NFATC1: variants seen among roughly 807,000 people sequenced by gnomAD.
The protein encoded by NFATC1 is nuclear factor of activated T cells 1, also known as nuclear factor of activated T-cells, cytoplasmic 1.
A neutral mutation model predicts 76.0 loss-of-function variants in NFATC1; 22 were observed. The ratio of observed to expected loss-of-function variants is 0.29; its 90% CI spans 0.21 to 0.41. NFATC1 has a LOEUF of 0.41. Ranked by LOEUF, NFATC1 falls within the 10% of genes least tolerant of loss-of-function variation. The pLI, the probability that NFATC1 is intolerant of heterozygous loss-of-function variation, is 1.00. For missense variants in NFATC1, 1,357 were observed against 1,337.7 expected (o/e 1.01, Z -0.23); for synonymous variants, 704 against 613.1 (o/e 1.15, Z -2.19).
In NFATC1 at chr18:79,410,555, G is replaced by A. The variant is rs1299749952; in HGVS notation, c.280G>A (p.Asp94Asn). 6.2e-7 allele frequency: 1 copy of A among 1,611,548 alleles called. No homozygotes were observed. The highest frequency in any genetic ancestry group is 8.5e-7 in the Non-Finnish European group (1 of 1,180,002). The part of the protein sequence containing the change: ...DHPSGYGAAL[D>N]GGPAGYFLSS... ...CCCCTCGGGGTACGGAGCAGCTTTG[G>A]ACGGTGGGCCCGCGGGCTACTTCCT... Residue 94 changes from aspartate to asparagine, a missense_variant, in exon 2 of 10, where the codon GAC (aspartate) becomes AAC (asparagine). By Grantham distance (23) the Asp-to-Asn change is conservative (BLOSUM62 1). Coordinates refer to ENST00000427363, the MANE Select transcript of NFATC1 (RefSeq NM_001278669.2). The surrounding 1 kb of genome is among the most constrained non-coding windows in gnomAD (Gnocchi z 6.7).
Position 79,439,581 on chromosome 18 carries a change from C to T in NFATC1, c.1386+5843C>T, listed in dbSNP as rs550371611. Among the ~76,000 whole-genome samples the T allele has an allele frequency of 2.4e-3, 372 of 152,316 alleles. 1 individual carries two copies. The highest frequency in any genetic ancestry group is 4.3e-3 in the Non-Finnish European group (292 of 68,032). On this transcript the variant is annotated intron_variant, in intron 3 of 9. Transcript: ENST00000427363. ...ACCGTCACTTCCCTGGACTGCTAAGCGCATAAACGCACAGGGAATTTCCTA... is the reference window on the plus strand; with the variant it reads ...ACCGTCACTTCCCTGGACTGCTAAGTGCATAAACGCACAGGGAATTTCCTA...
At chr18:79,454,004 T>C (rs959149875) in intron 6 of NFATC1, among the ~76,000 whole-genome samples, 3 of 152,208 alleles carry the variant, frequency 2.0e-5, no homozygotes, top group Non-Finnish European at 4.4e-5. Context: ...CTAAACTGAA[T>C]TTAAATTAAA....
intron 2 of NFATC1, among the ~76,000 whole-genome samples, chr18:79,424,593 CTCTCTCTGTCTCTCCGTCTG>C (rs532026999): frequency 1.1e-4 from 16 of 150,190 alleles, no homozygotes; most frequent in East Asian, 2.0e-4. Flanking sequence ...CTTTCTCTGT[CTCTCTCTGTCTCTCCGTCTG>C]TCTCTCTGTC....
chr18:79,397,602 G>GT (rs1197517661), intron 1 of NFATC1, among the ~76,000 whole-genome samples: 2 of 152,216 alleles, frequency 1.3e-5, no homozygotes, highest in African/African-American at 4.8e-5. Context: ...CCGTGTCAGT[G>GT]TTTTACACAA....
intron 3 of NFATC1, among the ~76,000 whole-genome samples, chr18:79,437,070 C>A (rs2086806146): frequency 6.6e-6 from 1 of 152,158 alleles, no homozygotes. Flanking sequence ...CTGGAGCCGT[C>A]TGCGAGGGGG....
chr18:79,471,550 G>A (rs1211412926), intron 8 of NFATC1, among the ~76,000 whole-genome samples: 2 of 152,208 alleles, frequency 1.3e-5, no homozygotes, highest in African/African-American at 2.4e-5. Flanking sequence ...CCCCTGAGCT[G>A]GGGACACGGA....
intron 9 of NFATC1, among the ~76,000 whole-genome samples, chr18:79,514,314 C>T (rs977040057): frequency 6.6e-6 from 1 of 152,080 alleles, no homozygotes; most frequent in South Asian, 2.1e-4. Context: ...GTGGTGCACA[C>T]CTGTGGTCCC....
chr18:79,455,246 C>G (rs142065680), intron 6 of NFATC1, among the ~76,000 whole-genome samples: 3 of 152,212 alleles, frequency 2.0e-5, no homozygotes, highest in African/African-American at 4.8e-5. Context: ...ACTACGACGC[C>G]GGGGGTGAAG....
rs573313593 is a variant in NFATC1, at chr18:79,445,501, G to T, written c.1387-3281G>T. Among the ~76,000 whole-genome samples, 3 of 152,380 alleles carry T rather than the reference G, an allele frequency of 2.0e-5. No individual in the cohort carries two copies. In the South Asian group the frequency reaches 6.2e-4, roughly 32 times the overall value. On this transcript the variant is annotated intron_variant, in intron 3 of 9. Transcript: ENST00000427363. Reference sequence around the variant, plus strand: ...TCACCTGGAAGTGTCACCTCTGGCTGCTGTTGTGGGTGATGAGGATTCCAG... The same window carrying T: ...TCACCTGGAAGTGTCACCTCTGGCTTCTGTTGTGGGTGATGAGGATTCCAG...
chr18:79,450,366 T>G (rs1282087511), intron 4 of NFATC1, among the ~76,000 whole-genome samples: 1 of 150,188 alleles, frequency 6.7e-6, no homozygotes, highest in Non-Finnish European at 1.5e-5. Context: ...TTAAATATAG[T>G]GGAAATAATA....
At position 79,409,433 on chromosome 18, in the gene NFATC1, TTATC is replaced by T. The variant is rs1260016812; in HGVS notation, c.128-965_128-962del. On this transcript the variant is annotated intron_variant, in intron 1 of 9. Transcript: ENST00000427363. The stretch of plus-strand genomic sequence containing the variant: ...CATCCATCCATCCATCACCATCCAT[TTATC>T]TATCCATCCATTCATCCACCATTTA... Among the ~76,000 whole-genome samples, 6 of 151,398 alleles carry T rather than the reference TTATC, an allele frequency of 4.0e-5. No individual in the cohort carries two copies. The East Asian group carries it at 5.8e-4, about 15-fold the overall frequency.
chr18:79,505,644 G>A (rs1371464534), intron 9 of NFATC1, among the ~76,000 whole-genome samples: 1 of 144,746 alleles, frequency 6.9e-6, no homozygotes. Context: ...GGAGGTGGTG[G>A]ACGAGACCCT....
At chr18:79,404,117 A>G (rs2148150973) in intron 1 of NFATC1, among the ~76,000 whole-genome samples, 1 of 152,354 alleles carries the variant, frequency 6.6e-6, no homozygotes, top group African/African-American at 2.4e-5. Context: ...TAATTCCTTG[A>G]AAACAGAATT....
chr18:79,427,460 G>A lies in NFATC1; in HGVS notation c.1227-6119G>A, dbSNP rs542706528. On this transcript the variant is annotated intron_variant, in intron 2 of 9. Transcript: ENST00000427363. Reference sequence around the variant, plus strand: ...GGAGCTGGACGGCTGGCCTCTGTGCGGTGGGTGGGGGCTGTACCACTGGCC... The same window carrying A: ...GGAGCTGGACGGCTGGCCTCTGTGCAGTGGGTGGGGGCTGTACCACTGGCC... Among the ~76,000 whole-genome samples the A allele has an allele frequency of 7.9e-4, 68 of 86,442 alleles. 1 individual carries two copies. The highest frequency in any genetic ancestry group is 1.0e-3 in the African/African-American group (24 of 23,454). The allele number at this position is 86,442 out of a possible 152,430, so 56.7% of individuals were successfully genotyped here.
Position 79,410,904 on chromosome 18 carries a change from T to A in NFATC1, c.629T>A (p.Val210Glu), listed in dbSNP as rs749915403. 2 of 1,608,540 alleles carry A rather than the reference T, an allele frequency of 1.2e-6. No homozygotes were observed. Among genetic ancestry groups the A allele is most frequent in the Admixed American group, 3.3e-5 (2 of 59,848 alleles). The change falls in exon 2 of 10, where the codon GTG becomes GAG. Residue 210 changes from valine (V) to glutamate (E), a missense_variant. By Grantham distance (121) the Val-to-Glu change is moderately radical. Transcript: ENST00000427363. The surrounding 1 kb of genome is among the most constrained non-coding windows in gnomAD (Gnocchi z 6.7). Reference sequence around the variant, plus strand: ...ACGTCGCCATGGCAGTCTCCCTGCGTGTCTCCCAAGACCACGGACCCCGAG... The same window carrying A: ...ACGTCGCCATGGCAGTCTCCCTGCGAGTCTCCCAAGACCACGGACCCCGAG... ...PQTSPWQSPCVSPKTTDPEEG... is the reference protein window; with the variant it reads ...PQTSPWQSPCESPKTTDPEEG...
chr18:79,399,918 G>A (rs2085128331), intron 1 of NFATC1, among the ~76,000 whole-genome samples: 1 of 152,144 alleles, frequency 6.6e-6, no homozygotes, highest in Admixed American at 6.5e-5. Flanking sequence ...TGGCGCTCGG[G>A]GGTCACCGTT....
At chr18:79,418,606 G>A (rs1200294942) in intron 2 of NFATC1, among the ~76,000 whole-genome samples, 1 of 152,252 alleles carries the variant, frequency 6.6e-6, no homozygotes, top group Non-Finnish European at 1.5e-5. Flanking sequence ...GCTCCCTGGA[G>A]AAGGCACTGC....
chr18:79,486,146 C>G, intron 8 of NFATC1, 102 bp from the exon 9 acceptor site: 1 of 1,027,402 alleles, frequency 9.7e-7, no homozygotes, highest in Non-Finnish European at 1.5e-6. Context: ...GGGACCCAGT[C>G]AGGGCCCTGT....
chr18:79,457,347 C>T (rs2087788461), intron 6 of NFATC1, among the ~76,000 whole-genome samples: 1 of 152,178 alleles, frequency 6.6e-6, no homozygotes, highest in South Asian at 2.1e-4. Flanking sequence ...TCTCATCAAG[C>T]CGCATTCTGG....
Sources: gnomAD v4.1 joint callset for allele counts (sites outside exome capture counted in the v4.1 genomes callset) on GRCh38, gnomAD v4.1.1 for gene constraint, Gnocchi (gnomAD v3.1) non-coding constraint, MANE v1.5 for transcripts, NCBI Gene and HGNC (gene_info 2026-07-23, HGNC 2026-07-21) for gene names.